LDLRAD4: variants seen among roughly 807,000 people sequenced by gnomAD.
The protein encoded by LDLRAD4 is low density lipoprotein receptor class A domain containing 4, also known as low-density lipoprotein receptor class A domain-containing protein 4.
LDLRAD4 carries 5 observed loss-of-function variants against 17.0 expected under a neutral mutation model. The observed-to-expected ratio is 0.29, with a 90% CI of 0.15 to 0.62. The LOEUF is 0.62. Among genes scored for constraint, LDLRAD4 ranks in the 20% least tolerant of loss-of-function variants. The pLI is 0.84. For synonymous variants in LDLRAD4, 168 were observed against 171.8 expected (o/e 0.98, Z 0.17); for missense variants, 340 against 424.7 (o/e 0.80, Z 1.75).
At chr18:13,569,492 G>GA (rs528544748) in intron 3 of LDLRAD4, among the ~76,000 whole-genome samples, 1 of 152,096 alleles carries the variant, frequency 6.6e-6, no homozygotes, top group Non-Finnish European at 1.5e-5. Context: ...GTCTTTCAAG[G>GA]AAAAAAATAT....
chr18:13,605,798 G>A (rs542778417), intron 3 of LDLRAD4, among the ~76,000 whole-genome samples: 3 of 152,268 alleles, frequency 2.0e-5, no homozygotes, highest in African/African-American at 4.8e-5. Flanking sequence ...ACATGTCCTC[G>A]TGGTGGTATG....
chr18:13,325,645 T>A (rs1360355306), intron 1 of LDLRAD4, among the ~76,000 whole-genome samples: 3 of 152,214 alleles, frequency 2.0e-5, no homozygotes, highest in Admixed American at 1.3e-4. Context: ...TCCAGGCCGA[T>A]CCCGGCACTC....
chr18:13,520,586 C>G (rs973363166), intron 3 of LDLRAD4: 1 of 152,314 alleles, frequency 6.6e-6, no homozygotes, highest in African/African-American at 2.4e-5. Context: ...GGAACAGTGT[C>G]TCACACCTAT....
chr18:13,645,689 G>T lies in LDLRAD4; in HGVS notation c.*32G>T. The T allele has an allele frequency of 6.7e-7, 1 of 1,484,832 alleles. No individual in the cohort carries two copies. Among genetic ancestry groups the T allele is most frequent in the South Asian group, 1.4e-5 (1 of 69,078 alleles). The allele number at this position is 1,484,832 out of a possible 1,614,324, so 92.0% of individuals were successfully genotyped here. ...CCAACGTGCACTTCAGCTGGAGAAA[G>T]AAACCAAGAAGGGAAGCGGCCGCTG... On this transcript the variant is annotated 3_prime_UTR_variant, in exon 6 of 6. Transcript: ENST00000359446. The surrounding 1 kb of genome is among the most constrained non-coding windows in gnomAD (Gnocchi z 5.7).
At chr18:13,611,902 T>G in intron 3 of LDLRAD4, 1 of 985,232 alleles carries the variant, frequency 1.0e-6, no homozygotes, top group Non-Finnish European at 1.2e-6. Flanking sequence ...AGTTAGAGGA[T>G]GTGGAGAGGG....
chr18:13,329,401 A>G (rs2081724084), intron 1 of LDLRAD4, among the ~76,000 whole-genome samples: 1 of 152,212 alleles, frequency 6.6e-6, no homozygotes, highest in Non-Finnish European at 1.5e-5. Flanking sequence ...TATTTTTATT[A>G]TGAGTGAGGT....
chr18:13,591,250 C>A (rs9676062), intron 3 of LDLRAD4, among the ~76,000 whole-genome samples: 1,944 of 152,276 alleles, frequency 0.013, 49 homozygotes, highest in African/African-American at 0.044. Context: ...AAATTGAAGA[C>A]TGTTATTGTA....
intron 1 of LDLRAD4, among the ~76,000 whole-genome samples, chr18:13,371,216 C>T (rs1354765240): frequency 1.3e-5 from 2 of 152,120 alleles, no homozygotes; most frequent in South Asian, 2.1e-4. Flanking sequence ...CACCCAGGCT[C>T]CAGGAGGAGC....
At chr18:13,502,710 T>G (rs567840928) in intron 3 of LDLRAD4, among the ~76,000 whole-genome samples, 1 of 152,310 alleles carries the variant, frequency 6.6e-6, no homozygotes, top group East Asian at 1.9e-4. Flanking sequence ...GGAACCCCAC[T>G]GGGAGGACTG....
chr18:13,569,639 T>G (rs1354340692), intron 3 of LDLRAD4, among the ~76,000 whole-genome samples: 2 of 152,224 alleles, frequency 1.3e-5, no homozygotes, highest in East Asian at 3.8e-4. Context: ...ATCCCAGCAC[T>G]TTGGGAGGCC....
intron 2 of LDLRAD4, among the ~76,000 whole-genome samples, chr18:13,433,952 G>A (rs908650579): frequency 6.6e-5 from 10 of 152,152 alleles, no homozygotes; most frequent in Non-Finnish European, 1.5e-4. Flanking sequence ...TGGAAATCTC[G>A]GGTTTTATGT....
At chr18:13,607,179 C>T (rs1040917108) in intron 3 of LDLRAD4, among the ~76,000 whole-genome samples, 3 of 152,174 alleles carry the variant, frequency 2.0e-5, no homozygotes, top group Admixed American at 6.5e-5. Flanking sequence ...CAGACTATCC[C>T]GGCTCCAACT....
intron 2 of LDLRAD4, among the ~76,000 whole-genome samples, chr18:13,426,662 G>A (rs916196671): frequency 6.6e-6 from 1 of 152,152 alleles, no homozygotes; most frequent in Non-Finnish European, 1.5e-5. Context: ...GGAGCCAAAA[G>A]CCATTCTTTT....
At chr18:13,651,233 T>C (rs2043233654) in exon 6 of LDLRAD4, 1 of 152,252 alleles carries the variant, frequency 6.6e-6, no homozygotes, top group African/African-American at 2.4e-5. Flanking sequence ...GAAGACTTTG[T>C]TCAGCTCCAG....
At chr18:13,497,662 T>C (rs905537897) in intron 3 of LDLRAD4, among the ~76,000 whole-genome samples, 5 of 152,226 alleles carry the variant, frequency 3.3e-5, no homozygotes, top group African/African-American at 9.6e-5. Flanking sequence ...CATGCCATAA[T>C]ACCAGGTCAA....
rs868135372 is a variant in LDLRAD4 at position 13,344,321 on chromosome 18, A to G, written c.-382-43020A>G. On this transcript the variant is annotated intron_variant, in intron 1 of 5. Transcript: ENST00000359446. Reference sequence around the variant, plus strand: ...CATATGGCTAGCCAGTTTTCCCAGCACCATTTATTAAATAGGGAATCCTTT... The same window carrying G: ...CATATGGCTAGCCAGTTTTCCCAGCGCCATTTATTAAATAGGGAATCCTTT... 1.1e-4 allele frequency among the ~76,000 whole-genome samples: 16 copies of G among 152,268 alleles called. No individual in the cohort carries two copies. The South Asian group carries it at 3.3e-3, about 32-fold the overall frequency.
intron 1 of LDLRAD4, among the ~76,000 whole-genome samples, chr18:13,230,459 A>C (rs957610264): frequency 6.6e-6 from 1 of 152,156 alleles, no homozygotes; most frequent in African/African-American, 2.4e-5. Flanking sequence ...CATTTTTCAA[A>C]CTTTGTATAT....
chr18:13,630,311 GA>G (rs2041554459), intron 4 of LDLRAD4, among the ~76,000 whole-genome samples: 1 of 152,172 alleles, frequency 6.6e-6, no homozygotes, highest in Non-Finnish European at 1.5e-5. Flanking sequence ...TGCAGTCTCT[GA>G]CAGCCAGGGG....
chr18:13,325,469 C>T (rs2081469655), intron 1 of LDLRAD4, among the ~76,000 whole-genome samples: 1 of 152,234 alleles, frequency 6.6e-6, no homozygotes, highest in Non-Finnish European at 1.5e-5. Flanking sequence ...CCTGGCACCA[C>T]ACACACCTCC....
Sources: allele counts gnomAD v4.1 joint callset (sites outside exome capture counted in the v4.1 genomes callset), GRCh38; gene constraint gnomAD v4.1.1; non-coding constraint Gnocchi (gnomAD v3.1); transcripts MANE v1.5; gene names NCBI Gene and HGNC (gene_info 2026-07-23, HGNC 2026-07-21).